The following RNF185 variants were observed in gnomAD, a reference collection of about 807,000 sequenced individuals.
RNF185 encodes the protein ring finger protein 185.
In RNF185, 13 loss-of-function variants were observed where a neutral mutation model predicts 24.9. The observed-to-expected ratio is 0.52, with a 90% confidence interval of 0.34 to 0.83. The LOEUF (loss-of-function observed/expected upper bound fraction) is 0.83, where lower values mean the gene tolerates loss of function less well. Ranked by LOEUF, RNF185 falls within the 40% of genes least tolerant of loss-of-function variation. The probability of loss-of-function intolerance (pLI) is 0.01; values close to 1 mark genes in which losing one functional copy is unlikely to be tolerated. For synonymous variants in RNF185, 79 were observed against 90.3 expected (o/e 0.88, Z 0.71); for missense variants, 184 against 244.7 (o/e 0.75, Z 1.65).
At chr22:31,168,562 A>G (rs1251340576) in intron 1 of RNF185, among the ~76,000 whole-genome samples, 1 of 152,114 alleles carries the variant, frequency 6.6e-6, no homozygotes, top group Admixed American at 6.5e-5. Context: ...CTTGCTTTCA[A>G]TTATTTGGGT....
intron 5 of RNF185, among the ~76,000 whole-genome samples, chr22:31,197,843 A>C (rs772488241): frequency 6.6e-6 from 1 of 152,032 alleles, no homozygotes; most frequent in Non-Finnish European, 1.5e-5. Flanking sequence ...TCAGCCTCCC[A>C]AAGTGTTAGG....
chr22:31,196,589 A>T (rs544304252), intron 4 of RNF185, among the ~76,000 whole-genome samples: 1 of 152,314 alleles, frequency 6.6e-6, no homozygotes, highest in Non-Finnish European at 1.5e-5. Flanking sequence ...CCTCTGTTCC[A>T]GTATGGATTT....
chr22:31,187,304 T>C (rs2048109789), intron 2 of RNF185, 34 bp downstream of exon 2: 3 of 1,610,248 alleles, frequency 1.9e-6, no homozygotes, highest in African/African-American at 1.3e-5. Context: ...AGAGAGCACA[T>C]TGCCAAGTTT....
intron 3 of RNF185, 46 bp from the exon 4 acceptor site, chr22:31,195,423 G>T: frequency 7.5e-7 from 1 of 1,341,122 alleles, no homozygotes. Flanking sequence ...TGATCACTCT[G>T]GTGGGTCTTG....
intron 1 of RNF185, among the ~76,000 whole-genome samples, chr22:31,173,990 G>A (rs1417422058): frequency 6.6e-6 from 1 of 152,144 alleles, no homozygotes; most frequent in African/African-American, 2.4e-5. Flanking sequence ...ATGTCTATGA[G>A]GAATATACAA....
intron 1 of RNF185, among the ~76,000 whole-genome samples, chr22:31,162,134 T>C (rs537582109): frequency 6.6e-6 from 1 of 152,306 alleles, no homozygotes; most frequent in South Asian, 2.1e-4. Flanking sequence ...TAGGAATGTT[T>C]ATGTTGTCTT....
At chr22:31,190,796 G>A (rs1302074667) in intron 2 of RNF185, among the ~76,000 whole-genome samples, 2 of 151,128 alleles carry the variant, frequency 1.3e-5, no homozygotes, top group South Asian at 2.1e-4. Context: ...TAGAGATGGG[G>A]TTTCACCATG....
chr22:31,180,903 TTCTCTC>T lies in RNF185; in HGVS notation c.-48-6136_-48-6131del, dbSNP rs59737558. 7.0e-3 allele frequency among the ~76,000 whole-genome samples: 939 copies of T among 134,230 alleles called. 11 individuals are homozygous for T. Among genetic ancestry groups the T allele is most frequent in the African/African-American group, 0.021 (777 of 36,350 alleles). 88.1% of individuals were successfully genotyped at this position (134,230 alleles called of 152,430 possible). A position where few individuals can be genotyped will look rare whatever the true frequency, so the allele number is the denominator to read the frequency against. The stretch of plus-strand genomic sequence containing the variant: ...GTTTAATGTGTATTTTCTAGGCATT[TTCTCTC>T]TCTCTCTGTGTGTGTGTGTGTGTGT... On this transcript the variant is annotated intron_variant, in intron 1 of 6. Transcript: ENST00000326132.
At chr22:31,164,987 C>T (rs865848007) in intron 1 of RNF185, among the ~76,000 whole-genome samples, 52 of 151,400 alleles carry the variant, frequency 3.4e-4, no homozygotes, top group African/African-American at 1.1e-3. Flanking sequence ...CTTGGCTCAC[C>T]GCAACATCTG....
At chr22:31,163,616 C>A (rs943745618) in intron 1 of RNF185, among the ~76,000 whole-genome samples, 1 of 151,860 alleles carries the variant, frequency 6.6e-6, no homozygotes, top group Non-Finnish European at 1.5e-5. Flanking sequence ...GTATGAGCCA[C>A]CACTCCCAGC....
In RNF185 at chr22:31,202,776, C is replaced by T. The variant is rs1246483500; in HGVS notation, c.481+1161C>T. Among the ~76,000 whole-genome samples, 3 of 151,972 alleles carry T rather than the reference C, an allele frequency of 2.0e-5. No individual in the cohort carries two copies. In the East Asian group the frequency reaches 5.8e-4, roughly 29 times the overall value. On this transcript the variant is annotated intron_variant, in intron 6 of 6. Coordinates refer to ENST00000326132, the MANE Select transcript of RNF185 (RefSeq NM_152267.4). ...TACAGGCGCCTGCCACCACGCCTGG[C>T]TAATTTTTTTGTATTTTTTTGTAGA...
intron 6 of RNF185, among the ~76,000 whole-genome samples, chr22:31,202,713 C>T (rs547967850): frequency 3.4e-5 from 5 of 147,972 alleles, no homozygotes; most frequent in South Asian, 2.2e-4. Flanking sequence ...CCCAGGTTTA[C>T]GCCATTCTCC....
intron 6 of RNF185, among the ~76,000 whole-genome samples, chr22:31,202,505 T>C (rs1384106985): frequency 6.6e-6 from 1 of 152,062 alleles, no homozygotes; most frequent in African/African-American, 2.4e-5. Context: ...GCAGGTGATC[T>C]ATAAGTCTTT....
intron 1 of RNF185, among the ~76,000 whole-genome samples, chr22:31,182,109 C>CT (rs747537462): frequency 0.12 from 15,183 of 122,776 alleles, 1,458 homozygotes; most frequent in East Asian, 0.36. Context: ...ACAGTAATTC[C>CT]TTTTTTTTTT....
chr22:31,183,391 T>A (rs954581867), intron 1 of RNF185, among the ~76,000 whole-genome samples: 24 of 150,998 alleles, frequency 1.6e-4, no homozygotes, highest in Non-Finnish European at 2.1e-4. Flanking sequence ...TTTTTTTTTT[T>A]AATTTTAGTA....
At chr22:31,193,996 G>A (rs542307437) in intron 3 of RNF185, among the ~76,000 whole-genome samples, 18 of 149,616 alleles carry the variant, frequency 1.2e-4, no homozygotes, top group African/African-American at 4.2e-4. Context: ...GGGTTCAAGC[G>A]ATTCTTGTGC....
intron 1 of RNF185, among the ~76,000 whole-genome samples, chr22:31,169,916 G>T (rs1037582495): frequency 6.7e-6 from 1 of 149,752 alleles, no homozygotes; most frequent in Non-Finnish European, 1.5e-5. Flanking sequence ...TTCATTGGTC[G>T]TTGGGAACAA....
In RNF185 at chr22:31,171,617, T is replaced by G. The variant is rs144423893; in HGVS notation, c.-49+11314T>G. On this transcript the variant is annotated intron_variant, in intron 1 of 6. Transcript: ENST00000326132. ...AGTCAATATTATAGACTTTTCAAAA[T>G]GGTATCATTTTGGTTTTATCTTTAA... Among the ~76,000 whole-genome samples, 240 of 152,272 alleles carry G rather than the reference T, an allele frequency of 1.6e-3. 2 individuals carry two copies. The highest frequency in any genetic ancestry group is 5.6e-3 in the African/African-American group (233 of 41,580).
intron 1 of RNF185, among the ~76,000 whole-genome samples, chr22:31,170,142 C>T (rs551713455): frequency 6.6e-6 from 1 of 152,094 alleles, no homozygotes; most frequent in African/African-American, 2.4e-5. Context: ...TTAATTGCTC[C>T]TCAGAAGTGC....
Sources: allele counts gnomAD v4.1 joint callset (sites outside exome capture counted in the v4.1 genomes callset), GRCh38; gene constraint gnomAD v4.1.1; transcripts MANE v1.5; gene names NCBI Gene and HGNC (gene_info 2026-07-23, HGNC 2026-07-21).